Variants in RPS6KA5 observed in about 807,000 individuals in gnomAD.
The protein encoded by RPS6KA5 is ribosomal protein S6 kinase alpha-5.
A neutral mutation model predicts 85.5 loss-of-function variants in RPS6KA5; 27 were observed. That is an observed-to-expected ratio of 0.32 (90% CI 0.23 to 0.44). The LOEUF is 0.44. RPS6KA5 is among the 20% of genes least tolerant of loss of function. The probability of loss-of-function intolerance (pLI) is 1.00; values close to 1 mark genes in which losing one functional copy is unlikely to be tolerated. For synonymous variants in RPS6KA5, 334 were observed against 348.2 expected (o/e 0.96, Z 0.46); for missense variants, 811 against 980.9 (o/e 0.83, Z 2.31).
chr14:90,897,629 T>C (rs1042356450), intron 12 of RPS6KA5, among the ~76,000 whole-genome samples: 2 of 152,234 alleles, frequency 1.3e-5, no homozygotes, highest in African/African-American at 4.8e-5. Context: ...TATAGGATTA[T>C]ATCATGTGAC....
chr14:91,000,644 A>G (rs2040748273), intron 2 of RPS6KA5, among the ~76,000 whole-genome samples: 1 of 152,080 alleles, frequency 6.6e-6, no homozygotes, highest in Non-Finnish European at 1.5e-5. Context: ...CTCTACTAAA[A>G]ATACAAAATT....
rs1186529471 is a variant in RPS6KA5, at chr14:90,854,188, G to C, written c.*17886C>G. 8.0e-6 allele frequency: 1 copy of C among 125,354 alleles called. No individual in the cohort carries two copies. The highest frequency in any genetic ancestry group is 1.5e-5 in the Non-Finnish European group (1 of 64,724). The allele number at this position is 125,354 out of a possible 1,614,324, so 7.8% of individuals were successfully genotyped here. On this transcript the variant is annotated 3_prime_UTR_variant, in exon 17 of 17. Coordinates refer to ENST00000614987, the MANE Select transcript of RPS6KA5 (RefSeq NM_004755.4). ...TAAGTAATTATAGTGCAAGGAGCCT[G>C]ATGTATGAAGATTTGACATTGTAAT... is the stretch of plus-strand genomic sequence containing the variant.
intron 1 of RPS6KA5, among the ~76,000 whole-genome samples, chr14:91,022,000 T>C (rs531733160): frequency 1.1e-3 from 161 of 152,316 alleles, no homozygotes; most frequent in Non-Finnish European, 2.0e-3. Flanking sequence ...AGCTAGGACA[T>C]ACATATTTAG....
At chr14:90,907,568 C>T (rs2035580859) in intron 7 of RPS6KA5, among the ~76,000 whole-genome samples, 1 of 152,140 alleles carries the variant, frequency 6.6e-6, no homozygotes, top group African/African-American at 2.4e-5. Context: ...TATCAAATAG[C>T]CACTGAGAAT....
At chr14:91,039,992 CAG>C (rs1448278356) in intron 1 of RPS6KA5, among the ~76,000 whole-genome samples, 1 of 152,200 alleles carries the variant, frequency 6.6e-6, no homozygotes, top group East Asian at 1.9e-4. Flanking sequence ...ATTAATATTT[CAG>C]AGTTATAACT....
At chr14:91,023,158 C>T (rs940341776) in intron 1 of RPS6KA5, among the ~76,000 whole-genome samples, 6 of 150,720 alleles carry the variant, frequency 4.0e-5, no homozygotes, top group Non-Finnish European at 7.4e-5. Flanking sequence ...AGTCTCAGCT[C>T]TACAAATAAG....
rs34807092 is a variant in RPS6KA5, at chr14:91,056,867, C to CTTTTTTTTTTT, written c.103+3454_103+3464dup. Among the ~76,000 whole-genome samples the CTTTTTTTTTTT allele has an allele frequency of 5.9e-4, 23 of 38,878 alleles. 6 individuals carry two copies. The East Asian group carries it at 6.1e-3, about 10-fold the overall frequency. The allele number at this position is 38,878 out of a possible 152,430, so 25.5% of individuals were successfully genotyped here. On this transcript the variant is annotated intron_variant, in intron 1 of 16. Transcript: ENST00000614987. ...ACTGTTATACTTAAGGCAGTATTAT[C>CTTTTTTTTTTT]TTTTTTTTTTTTTTTTTTTTTTTTT... is the stretch of plus-strand genomic sequence containing the variant.
intron 3 of RPS6KA5, among the ~76,000 whole-genome samples, chr14:90,972,880 A>AG (rs1264772424): frequency 2.0e-5 from 3 of 152,212 alleles, no homozygotes; most frequent in Admixed American, 2.0e-4. Flanking sequence ...AGAAATTGAG[A>AG]GGAAAAAAAG....
chr14:90,977,160 G>C (rs1338479063), intron 3 of RPS6KA5, among the ~76,000 whole-genome samples: 1 of 152,172 alleles, frequency 6.6e-6, no homozygotes, highest in African/African-American at 2.4e-5. Flanking sequence ...GTAATGGCTG[G>C]CATACTGTAG....
intron 1 of RPS6KA5, among the ~76,000 whole-genome samples, chr14:91,044,292 AG>A (rs2042726915): frequency 8.0e-6 from 1 of 124,924 alleles, no homozygotes; most frequent in African/African-American, 3.5e-5. Context: ...AGAGAGAGAG[AG>A]AAAGAGAGAG....
intron 3 of RPS6KA5, among the ~76,000 whole-genome samples, chr14:90,963,759 A>T (rs1429578049): frequency 1.3e-5 from 2 of 152,188 alleles, no homozygotes; most frequent in African/African-American, 4.8e-5. Flanking sequence ...AGATTAGGCG[A>T]CTTGCCTAGG....
chr14:91,024,005 T>C (rs1386464851), intron 1 of RPS6KA5, among the ~76,000 whole-genome samples: 1 of 152,208 alleles, frequency 6.6e-6, no homozygotes, highest in African/African-American at 2.4e-5. Context: ...TTTTTCTTCT[T>C]TAAGGACTCC....
At chr14:90,917,455 T>C (rs1278627629) in intron 7 of RPS6KA5, among the ~76,000 whole-genome samples, 1 of 152,178 alleles carries the variant, frequency 6.6e-6, no homozygotes, top group East Asian at 1.9e-4. Flanking sequence ...CTAAGTTTGA[T>C]AAGTTTTGAC....
chr14:90,896,879 CCTGA>C (rs1306118745), intron 12 of RPS6KA5, among the ~76,000 whole-genome samples: 2 of 152,012 alleles, frequency 1.3e-5, no homozygotes, highest in Admixed American at 6.6e-5. Context: ...CAACACCACG[CCTGA>C]CTAATTTTTT....
Position 91,052,136 on chromosome 14 carries a change from A to G in RPS6KA5, c.103+8196T>C, listed in dbSNP as rs2043107217. 2.0e-5 allele frequency among the ~76,000 whole-genome samples: 3 copies of G among 150,674 alleles called. No individual in the cohort carries two copies. The Admixed American group carries it at 2.0e-4, about 10-fold the overall frequency. ...AGGGGCTGACTTAGAACTACAGTCC[A>G]CTCCCTACCTCTGTTAAATCTTTAC... On this transcript the variant is annotated intron_variant, in intron 1 of 16. Coordinates refer to ENST00000614987, the MANE Select transcript of RPS6KA5 (RefSeq NM_004755.4).
At chr14:90,972,501 C>A (rs754500963) in intron 3 of RPS6KA5, among the ~76,000 whole-genome samples, 11 of 152,158 alleles carry the variant, frequency 7.2e-5, no homozygotes, top group Non-Finnish European at 1.3e-4. Flanking sequence ...CACCTCAACT[C>A]AATGTAAATG....
Position 90,978,469 on chromosome 14 carries a change from C to T in RPS6KA5, c.231G>A (p.Leu77=). 6.2e-7 allele frequency: 1 copy of T among 1,613,334 alleles called. No individual in the cohort carries two copies. The highest frequency in any genetic ancestry group is 8.5e-7 in the Non-Finnish European group (1 of 1,179,672). The change falls in exon 3 of 17, where the codon CTG becomes CTA. Residue 77 remains leucine (L), a synonymous_variant. Coordinates refer to ENST00000614987, the MANE Select transcript of RPS6KA5 (RefSeq NM_004755.4). ...RKISGHDTGK[L]YAMKVLKKAT... Reference sequence around the variant, plus strand: ...CCTTTTTCAAAACTTTCATGGCATACAGCTTTCCAGTATCATGGCCACTTA... The same window carrying T: ...CCTTTTTCAAAACTTTCATGGCATATAGCTTTCCAGTATCATGGCCACTTA...
At chr14:90,948,064 T>C (rs894833891) in intron 3 of RPS6KA5, among the ~76,000 whole-genome samples, 1 of 152,212 alleles carries the variant, frequency 6.6e-6, no homozygotes, top group African/African-American at 2.4e-5. Flanking sequence ...AGCCCAATAG[T>C]ATAAGTATTA....
intron 1 of RPS6KA5, among the ~76,000 whole-genome samples, chr14:91,044,825 C>T (rs111967206): frequency 0.016 from 2,334 of 149,744 alleles, 57 homozygotes; most frequent in African/African-American, 0.055. Flanking sequence ...GAGCCGAGAC[C>T]GCACCATTGC....
Sources: allele counts gnomAD v4.1 joint callset (sites outside exome capture counted in the v4.1 genomes callset), GRCh38; gene constraint gnomAD v4.1.1; transcripts MANE v1.5; gene names NCBI Gene and HGNC (gene_info 2026-07-23, HGNC 2026-07-21).